The following EXOC4 variants were observed in gnomAD, a reference collection of about 807,000 sequenced individuals.
EXOC4 encodes exocyst complex component 4.
Under a neutral mutation model 107.2 loss-of-function variants are expected in EXOC4, and 71 were observed. The observed-to-expected ratio is 0.66, with a 90% CI of 0.55 to 0.81. The LOEUF (loss-of-function observed/expected upper bound fraction) is 0.81, where lower values mean the gene tolerates loss of function less well. Ranked by LOEUF, EXOC4 falls within the 30% of genes least tolerant of loss-of-function variation. The pLI is 0.00. For synonymous variants in EXOC4, 456 were observed against 441.2 expected (o/e 1.03, Z -0.42); for missense variants, 1,108 against 1,189.6 (o/e 0.93, Z 1.01).
rs564528396 is a variant in EXOC4 at position 133,597,485 on chromosome 7, C to T, written c.1418-32560C>T. 2.9e-5 allele frequency among the ~76,000 whole-genome samples: 4 copies of T among 137,152 alleles called. No individual in the cohort carries two copies. In the South Asian group the frequency reaches 7.4e-4, roughly 25 times the overall value. 90.0% of individuals were successfully genotyped at this position (137,152 alleles called of 152,430 possible). A position where few individuals can be genotyped will look rare whatever the true frequency, so the allele number is the denominator to read the frequency against. On this transcript the variant is annotated intron_variant, in intron 9 of 17. Transcript: ENST00000253861. The stretch of plus-strand genomic sequence containing the variant: ...AGGAGAATCGCTTGAACCCAGGAGG[C>T]GGAGATTGCGGTGAGCTGAGATCGC...
rs143561557 is a variant in EXOC4 at position 133,460,641 on chromosome 7, C to T, written c.1183-14687C>T. The stretch of plus-strand genomic sequence containing the variant: ...ATTACTTTTTGTTTAACCAAGCTGT[C>T]GACAGGTATTTTTCATTAGTTTAGT... On this transcript the variant is annotated intron_variant, in intron 7 of 17. Coordinates refer to ENST00000253861, the MANE Select transcript of EXOC4 (RefSeq NM_021807.4). Among the ~76,000 whole-genome samples, 125 of 151,956 alleles carry T rather than the reference C, an allele frequency of 8.2e-4. 1 individual carries two copies. In the East Asian group the frequency reaches 0.019, roughly 23 times the overall value.
chr7:133,910,319 T>C (rs1011130449), intron 12 of EXOC4, among the ~76,000 whole-genome samples: 3 of 152,342 alleles, frequency 2.0e-5, no homozygotes, highest in African/African-American at 7.2e-5. Context: ...TGATCCTTCA[T>C]ATGAGAACTT....
At chr7:133,769,780 A>G (rs1562989936) in intron 10 of EXOC4, among the ~76,000 whole-genome samples, 1 of 151,900 alleles carries the variant, frequency 6.6e-6, no homozygotes, top group Admixed American at 6.6e-5. Flanking sequence ...TTTAATATCC[A>G]AAGGAGCCAA....
chr7:134,075,519 A>T, the EXOC4 span, among the ~76,000 whole-genome samples: 2 of 152,196 alleles, frequency 1.3e-5, no homozygotes, highest in African/African-American at 4.8e-5. Flanking sequence ...GCCAAGTGAA[A>T]GGGGAAACCC....
intron 10 of EXOC4, among the ~76,000 whole-genome samples, chr7:133,792,566 A>AAAC (rs1244054127): frequency 1.7e-4 from 26 of 151,532 alleles, no homozygotes; most frequent in Non-Finnish European, 3.4e-4. Context: ...AAAAAAAAAA[A>AAAC]AAAAAAACCT....
At chr7:133,298,321 T>C (rs184244641) in intron 3 of EXOC4, among the ~76,000 whole-genome samples, 153 of 152,224 alleles carry the variant, frequency 1.0e-3, no homozygotes, top group Non-Finnish European at 1.9e-3. Flanking sequence ...TGGGCGAAAT[T>C]GTCTTGATTG....
At chr7:133,797,464 A>G (rs1290185079) in intron 10 of EXOC4, among the ~76,000 whole-genome samples, 1 of 152,186 alleles carries the variant, frequency 6.6e-6, no homozygotes, top group Non-Finnish European at 1.5e-5. Context: ...AGGACAGGTG[A>G]CAAGGTCTAG....
At chr7:133,389,570 C>CAAA (rs1202921998) in intron 7 of EXOC4, among the ~76,000 whole-genome samples, 2 of 16,414 alleles carry the variant, frequency 1.2e-4, no homozygotes, top group African/African-American at 5.5e-4. Context: ...TGAAACTCCT[C>CAAA]AAAAAAAAAA....
intron 7 of EXOC4, among the ~76,000 whole-genome samples, chr7:133,431,700 C>T (rs1300246495): frequency 3.3e-5 from 5 of 152,084 alleles, no homozygotes; most frequent in Non-Finnish European, 5.9e-5. Flanking sequence ...TTTTTAGAGC[C>T]ACATTTGCAT....
At chr7:133,836,198 T>C (rs764723998) in intron 11 of EXOC4, among the ~76,000 whole-genome samples, 1 of 152,216 alleles carries the variant, frequency 6.6e-6, no homozygotes, top group Non-Finnish European at 1.5e-5. Flanking sequence ...TGATTGTGTA[T>C]AGTTAGCCTA....
At chr7:133,338,796 C>T (rs1195819221) in intron 5 of EXOC4, among the ~76,000 whole-genome samples, 14 of 140,788 alleles carry the variant, frequency 9.9e-5, no homozygotes, top group Admixed American at 8.9e-4. Flanking sequence ...TCTCGTTGCC[C>T]AGGCTGGAGT....
intron 11 of EXOC4, among the ~76,000 whole-genome samples, chr7:133,831,947 C>G (rs1797820223): frequency 6.6e-6 from 1 of 152,140 alleles, no homozygotes; most frequent in African/African-American, 2.4e-5. Flanking sequence ...TTAGGTGTGA[C>G]CTACCTTTCC....
In EXOC4 at chr7:133,417,613, G is replaced by A. The variant is rs1797508356; in HGVS notation, c.1182+42611G>A. On this transcript the variant is annotated intron_variant, in intron 7 of 17. Transcript: ENST00000253861. ...TGGAGCCAAGGATCTAAGACAATTGGGGAACATCTATGCCATAGTTTACGT... is the reference window on the plus strand; with the variant it reads ...TGGAGCCAAGGATCTAAGACAATTGAGGAACATCTATGCCATAGTTTACGT... 2.0e-5 allele frequency among the ~76,000 whole-genome samples: 3 copies of A among 152,066 alleles called. No individual in the cohort carries two copies. The South Asian group carries it at 6.2e-4, about 32-fold the overall frequency.
At chr7:133,899,970 C>T (rs893040198) in intron 12 of EXOC4, among the ~76,000 whole-genome samples, 18 of 152,062 alleles carry the variant, frequency 1.2e-4, no homozygotes, top group South Asian at 4.2e-4. Flanking sequence ...TGGTCTCGAT[C>T]GAATTCCTGG....
At chr7:133,483,996 C>G (rs757489967) in intron 9 of EXOC4, 6 of 1,610,518 alleles carry the variant, frequency 3.7e-6, no homozygotes, top group Non-Finnish European at 5.1e-6. Flanking sequence ...GGCTTTGCTT[C>G]CCAGTAATTT....
chr7:133,971,349 TATATATATATATAGAGAGAGAG>T (rs1213857087), intron 14 of EXOC4, among the ~76,000 whole-genome samples: 1 of 99,998 alleles, frequency 1.0e-5, no homozygotes, highest in African/African-American at 4.2e-5. Flanking sequence ...TATATATATA[TATATATATATATAGAGAGAGAG>T]AGAGAGAGAG....
intron 9 of EXOC4, among the ~76,000 whole-genome samples, chr7:133,625,209 C>T (rs1023714760): frequency 7.9e-5 from 12 of 152,112 alleles, no homozygotes; most frequent in African/African-American, 1.9e-4. Context: ...TCAGTTAGAT[C>T]GTTCTGTGTT....
chr7:133,618,080 T>G (rs1421282783), intron 9 of EXOC4, among the ~76,000 whole-genome samples: 5 of 152,228 alleles, frequency 3.3e-5, no homozygotes, highest in Admixed American at 6.5e-5. Context: ...CTTCCAATAA[T>G]GTAATTATCA....
chr7:133,554,989 T>A (rs1298114538), intron 9 of EXOC4, among the ~76,000 whole-genome samples: 1 of 152,166 alleles, frequency 6.6e-6, no homozygotes. Context: ...GGGAAAGCAG[T>A]GAATTAGAAA....
Sources: allele counts gnomAD v4.1 joint callset (sites outside exome capture counted in the v4.1 genomes callset), GRCh38; gene constraint gnomAD v4.1.1; transcripts MANE v1.5; gene names NCBI Gene and HGNC (gene_info 2026-07-23, HGNC 2026-07-21).